AKR1E2: variants seen among roughly 807,000 people sequenced by gnomAD.
AKR1E2 encodes the protein aldo-keto reductase family 1 member E2.
AKR1E2 carries 43 observed loss-of-function variants against 41.9 expected under a neutral mutation model. The observed-to-expected ratio is 1.03, with a 90% CI of 0.80 to 1.32. AKR1E2 has a LOEUF of 1.32. Among genes scored for constraint, AKR1E2 ranks in the 40% most tolerant of loss-of-function variants. The pLI, the probability that AKR1E2 is intolerant of heterozygous loss-of-function variation, is 0.00. For missense variants in AKR1E2, 423 were observed against 396.5 expected, an observed-to-expected ratio of 1.07 and a Z score of -0.57; for synonymous variants, 121 against 138.9, an observed-to-expected ratio of 0.87 and a Z score of 0.91.
At chr10:4,837,302 G>C (rs1700228973) in intron 4 of AKR1E2, 157 bp from the exon 5 acceptor site, 1 of 1,114,510 alleles carries the variant, frequency 9.0e-7, no homozygotes, top group Non-Finnish European at 1.2e-6. Context: ...ACTGAAATCA[G>C]ACCTTGAGTG....
the AKR1E2 span, among the ~76,000 whole-genome samples, chr10:4,867,129 A>G: frequency 6.6e-6 from 1 of 152,208 alleles, no homozygotes; most frequent in Non-Finnish European, 1.5e-5. Flanking sequence ...GTTACTCCCA[A>G]AGTTAGTTCA....
intron 1 of AKR1E2, among the ~76,000 whole-genome samples, chr10:4,828,283 A>T (rs1222602924): frequency 6.6e-6 from 1 of 152,114 alleles, no homozygotes; most frequent in Non-Finnish European, 1.5e-5. Flanking sequence ...TTAGTTAGGG[A>T]GTGTTCTCAA....
Position 4,835,640 on chromosome 10 carries a change from TTG to T in AKR1E2, c.325-33_325-32del, listed in dbSNP as rs773915341. The T allele has an allele frequency of 5.8e-5, 87 of 1,496,454 alleles. No individual in the cohort carries two copies. In the East Asian group the frequency reaches 6.3e-4, roughly 11 times the overall value. The allele number at this position is 1,496,454 out of a possible 1,614,324, so 92.7% of individuals were successfully genotyped here. ...ATGGTTTTTTTTGTTTTGTTTTGTT[TTG>T]TTTTCACACATCTCAACTCTCCTTC... On this transcript the variant is annotated intron_variant, in intron 3 of 9. Coordinates refer to ENST00000298375, the MANE Select transcript of AKR1E2 (RefSeq NM_001040177.3).
downstream of AKR1E2, among the ~76,000 whole-genome samples, chr10:4,849,765 T>C (rs1834488786): frequency 6.6e-6 from 1 of 152,186 alleles, no homozygotes; most frequent in African/African-American, 2.4e-5. Flanking sequence ...GAGGATCCAC[T>C]ACGTTATTTG....
chr10:4,842,393 T>C (rs1031995278), intron 7 of AKR1E2, 28 bp from the exon 8 acceptor site: 16 of 1,602,322 alleles, frequency 1.0e-5, no homozygotes, highest in Non-Finnish European at 1.3e-5. Flanking sequence ...TCCCTTTGTG[T>C]GATAGTAGAC....
the AKR1E2 span, among the ~76,000 whole-genome samples, chr10:4,857,918 C>G: frequency 1.3e-5 from 2 of 151,628 alleles, no homozygotes; most frequent in Non-Finnish European, 2.9e-5. Context: ...TTTTGTTGAC[C>G]TTTTTTGAAG....
the AKR1E2 span, among the ~76,000 whole-genome samples, chr10:4,854,193 A>T: frequency 6.6e-6 from 1 of 150,924 alleles, no homozygotes; most frequent in Admixed American, 6.6e-5. Context: ...TCCCGGGTTC[A>T]AGTGATTCTT....
chr10:4,848,781 TG>T (rs1166156113), downstream of AKR1E2, among the ~76,000 whole-genome samples: 11 of 152,296 alleles, frequency 7.2e-5, no homozygotes, highest in South Asian at 1.9e-3. Flanking sequence ...GTCAGAGGTG[TG>T]GGTTCTGCAG....
chr10:4,844,905 G>A (rs978186055), intron 8 of AKR1E2, among the ~76,000 whole-genome samples: 5 of 152,226 alleles, frequency 3.3e-5, no homozygotes, highest in East Asian at 1.9e-4. Flanking sequence ...AGTCCCGGGC[G>A]GTGTGCCGGC....
intron 3 of AKR1E2, 54 bp downstream of exon 3, chr10:4,833,520 C>G: frequency 6.8e-7 from 1 of 1,463,362 alleles, no homozygotes. Context: ...CCTCCCCGTG[C>G]TCACACCCTG....
chr10:4,837,125 A>G (rs138171661), intron 4 of AKR1E2, among the ~76,000 whole-genome samples: 1 of 152,330 alleles, frequency 6.6e-6, no homozygotes, highest in Non-Finnish European at 1.5e-5. Flanking sequence ...AAGAGCTCAC[A>G]TGTGTCGAGT....
chr10:4,828,904 C>T (rs1832753488), intron 1 of AKR1E2, among the ~76,000 whole-genome samples: 2 of 152,172 alleles, frequency 1.3e-5, no homozygotes, highest in African/African-American at 2.4e-5. Flanking sequence ...ATTACACTTC[C>T]AGCCACTTTA....
rs531663916 is a variant in AKR1E2, at chr10:4,843,338, G to A, written c.837+834G>A. Among the ~76,000 whole-genome samples, 13 of 152,252 alleles carry A rather than the reference G, an allele frequency of 8.5e-5. No individual in the cohort carries two copies. In the South Asian group the frequency reaches 2.5e-3, roughly 29 times the overall value. On this transcript the variant is annotated intron_variant, in intron 8 of 9. Transcript: ENST00000298375. ...GTGAAGGGATAGCATAGTGCCTGGC[G>A]TATGGAAGTACCTGATGCTCTTAGC...
chr10:4,869,468 A>C, the AKR1E2 span, among the ~76,000 whole-genome samples: 1 of 151,402 alleles, frequency 6.6e-6, no homozygotes, highest in African/African-American at 2.4e-5. Context: ...TTTTCAAACA[A>C]CCAATTCTTT....
At chr10:4,832,182 A>T (rs1199482259) in intron 2 of AKR1E2, among the ~76,000 whole-genome samples, 1 of 152,172 alleles carries the variant, frequency 6.6e-6, no homozygotes, top group Non-Finnish European at 1.5e-5. Flanking sequence ...AGCTGTGAGT[A>T]TTAGGGATTA....
At chr10:4,845,110 G>T (rs1834224075) in intron 8 of AKR1E2, among the ~76,000 whole-genome samples, 1 of 152,158 alleles carries the variant, frequency 6.6e-6, no homozygotes, top group African/African-American at 2.4e-5. Flanking sequence ...GCGCCGGTGG[G>T]CCAGCACTGC....
rs12240276 is a variant in AKR1E2, at chr10:4,847,211, C to A, written c.901C>A (p.Arg301=). The change falls in exon 9 of 10, where the codon CGA becomes AGA. Residue 301 remains arginine, a synonymous_variant. Transcript: ENST00000298375. ...CATCCTCAGCCTAAACAGGAATCTC[C>A]GACTGGCCATGTTCCCCATGTAAAT... ...DNILSLNRNL[R]LAMFPITKNH... 6 of 1,613,980 alleles carry A rather than the reference C, an allele frequency of 3.7e-6. No homozygotes were observed. The East Asian group carries it at 1.3e-4, about 36-fold the overall frequency.
chr10:4,854,091 T>G, the AKR1E2 span, among the ~76,000 whole-genome samples: 21 of 70,226 alleles, frequency 3.0e-4, no homozygotes, highest in Non-Finnish European at 4.6e-4. Context: ...TACTGTTTTT[T>G]TTTTTTTTTT....
rs577440404 is a variant in AKR1E2 at position 4,847,661 on chromosome 10, G to A, written c.*131G>A. 795 of 1,040,184 alleles carry A rather than the reference G, an allele frequency of 7.6e-4. 1 individual carries two copies. Among genetic ancestry groups the A allele is most frequent in the South Asian group, 1.1e-3 (72 of 67,412 alleles). The allele number at this position is 1,040,184 out of a possible 1,614,324, so 64.4% of individuals were successfully genotyped here. ...AGGAGCCACACAGTCAGAGGGGGAT[G>A]TAAGAGCCACCTTCTCTGACAAATC... On this transcript the variant is annotated 3_prime_UTR_variant, in exon 10 of 10. Transcript: ENST00000298375.
Sources: allele counts gnomAD v4.1 joint callset (sites outside exome capture counted in the v4.1 genomes callset), GRCh38; gene constraint gnomAD v4.1.1; transcripts MANE v1.5; gene names NCBI Gene and HGNC (gene_info 2026-07-23, HGNC 2026-07-21).